The following RBM5 variants were observed in gnomAD, a reference collection of about 807,000 sequenced individuals.
The protein encoded by RBM5 is RNA-binding protein 5.
RBM5 carries 15 observed loss-of-function variants against 124.6 expected under a neutral mutation model. The ratio of observed to expected loss-of-function variants is 0.12; its 90% confidence interval spans 0.08 to 0.19. The LOEUF (loss-of-function observed/expected upper bound fraction) is 0.19. Among genes scored for constraint, RBM5 ranks in the 10% least tolerant of loss-of-function variants. RBM5 has a pLI of 1.00. For missense variants in RBM5, 580 were observed against 1,026.5 expected, an observed-to-expected ratio of 0.57 and a Z score of 5.94; for synonymous variants, 337 against 361.2, an observed-to-expected ratio of 0.93 and a Z score of 0.76.
intron 20 of RBM5, 141 bp downstream of exon 20, chr3:50,114,392 A>G (rs1333317935): frequency 1.3e-6 from 1 of 751,550 alleles, no homozygotes; most frequent in African/African-American, 1.8e-5. Flanking sequence ...CAGTTTCTGC[A>G]CATAGATTCC....
At chr3:50,108,490 C>G (rs1291505987) in intron 14 of RBM5, among the ~76,000 whole-genome samples, 186 bp downstream of exon 14, 1 of 152,042 alleles carries the variant, frequency 6.6e-6, no homozygotes, top group Admixed American at 6.6e-5. Context: ...AGGTGGATCA[C>G]GAGGTCAGGA....
intron 4 of RBM5, among the ~76,000 whole-genome samples, chr3:50,097,386 A>G (rs1022858203): frequency 8.7e-5 from 13 of 149,122 alleles, no homozygotes; most frequent in African/African-American, 3.3e-4. Context: ...ACAGAGCAAG[A>G]CTGTCTCAAA....
chr3:50,101,468 A>G (rs912158681), intron 6 of RBM5: 1 of 152,206 alleles, frequency 6.6e-6, no homozygotes, highest in African/African-American at 2.4e-5. Context: ...CATTTATAAC[A>G]AGACTCACTA....
At chr3:50,111,613 G>T (rs1211327880) in intron 17 of RBM5, among the ~76,000 whole-genome samples, 1 of 152,020 alleles carries the variant, frequency 6.6e-6, no homozygotes, top group Non-Finnish European at 1.5e-5. Context: ...GACCTTAAGT[G>T]ATCCACCCGC....
At chr3:50,102,098 CT>C (rs766574008) in intron 6 of RBM5, 9 of 152,064 alleles carry the variant, frequency 5.9e-5, no homozygotes, top group Non-Finnish European at 1.0e-4. Flanking sequence ...GGTTAGACTC[CT>C]TTTTAAAATC....
At chr3:50,091,306 A>G (rs2090696872) in intron 2 of RBM5, among the ~76,000 whole-genome samples, 1 of 152,206 alleles carries the variant, frequency 6.6e-6, no homozygotes, top group Non-Finnish European at 1.5e-5. Flanking sequence ...TGAAGCCCTT[A>G]TAAACCTTTC....
intron 14 of RBM5, among the ~76,000 whole-genome samples, chr3:50,109,075 T>A (rs2091094073): frequency 6.6e-6 from 1 of 152,078 alleles, no homozygotes; most frequent in African/African-American, 2.4e-5. Flanking sequence ...CTCTTCCTTT[T>A]CTCTTCTTTT....
In RBM5 at chr3:50,113,580, T is replaced by C; in HGVS notation, c.1617+36T>C. The C allele has an allele frequency of 3.8e-6, 6 of 1,580,540 alleles. No homozygotes were observed. In the South Asian group the frequency reaches 5.7e-5, roughly 15 times the overall value. On this transcript the variant is annotated intron_variant, in intron 18 of 24. Transcript: ENST00000347869. ...GACCCATATTTCTTTCATTGAGGTATTGGGCTGAACTCTTAGTTTTGGGGT... is the reference window on the plus strand; with the variant it reads ...GACCCATATTTCTTTCATTGAGGTACTGGGCTGAACTCTTAGTTTTGGGGT...
chr3:50,109,683 T>C lies in RBM5; in HGVS notation c.1273T>C (p.Ser425Pro). The stretch of plus-strand genomic sequence containing the variant: ...TAATCAAACCTCCAATCCACCTGGC[T>C]CTCCGGTAATCCTGTTGTCCTATAT... Reference protein sequence around the residue: ...LYNQTSNPPGSPTEEAQPSTS... With the variant: ...LYNQTSNPPGPPTEEAQPSTS... The change falls in exon 15 of 25, where the codon TCT becomes CCT. Residue 425 changes from serine (S) to proline (P), a missense_variant. Ser to Pro is a moderately conservative substitution (Grantham distance 74). Coordinates refer to ENST00000347869, the MANE Select transcript of RBM5 (RefSeq NM_005778.4). 1 of 1,612,276 alleles carries C rather than the reference T, an allele frequency of 6.2e-7. No homozygotes were observed. Among genetic ancestry groups the C allele is most frequent in the Non-Finnish European group, 8.5e-7 (1 of 1,178,288 alleles).
intron 4 of RBM5, among the ~76,000 whole-genome samples, chr3:50,098,973 G>A (rs1051036009): frequency 6.6e-6 from 1 of 152,124 alleles, no homozygotes; most frequent in African/African-American, 2.4e-5. Context: ...AATTAATTGC[G>A]GCCAGGCATT....
At chr3:50,104,360 G>T (rs997699548) in intron 8 of RBM5, 52 bp downstream of exon 8, 3 of 1,557,220 alleles carry the variant, frequency 1.9e-6, no homozygotes, top group Admixed American at 1.7e-5. Flanking sequence ...ACTAACTGGG[G>T]CAGGGAGCAG....
At chr3:50,107,983 G>A in intron 12 of RBM5, 87 bp from the exon 13 acceptor site, 1 of 1,154,262 alleles carries the variant, frequency 8.7e-7, no homozygotes, top group Admixed American at 1.7e-5. Flanking sequence ...ACAGCGCCCA[G>A]CATCATGAGC....
rs1262113355 is a variant in RBM5 at position 50,108,228 on chromosome 3, T to G, written c.1120-4T>G. On this transcript the variant is annotated splice_polypyrimidine_tract_variant and splice_region_variant and intron_variant, in intron 13 of 24. Transcript: ENST00000347869. ...AGCAGCTTTAATGGTGGACTTTTCTTCAGTATTCACAGGATTATCAGCAGT... is the reference window on the plus strand; with the variant it reads ...AGCAGCTTTAATGGTGGACTTTTCTGCAGTATTCACAGGATTATCAGCAGT... 2 of 1,612,322 alleles carry G rather than the reference T, an allele frequency of 1.2e-6. No individual in the cohort carries two copies. Among genetic ancestry groups the G allele is most frequent in the Admixed American group, 1.7e-5 (1 of 60,018 alleles).
Position 50,115,184 on chromosome 3 carries a change from G to C in RBM5, c.1840-244G>C. 6.7e-6 allele frequency: 3 copies of C among 447,356 alleles called. 1 individual carries two copies. Among genetic ancestry groups the C allele is most frequent in the Non-Finnish European group, 3.9e-6 (1 of 255,052 alleles). 27.7% of individuals were successfully genotyped at this position (447,356 alleles called of 1,614,324 possible). On this transcript the variant is annotated intron_variant, in intron 20 of 24. Transcript: ENST00000347869. ...CTCCTTCTCCAAAGAAATAGAAAAAGGTAGTCACCCAGGAATCCATTTCTT... is the reference window on the plus strand; with the variant it reads ...CTCCTTCTCCAAAGAAATAGAAAAACGTAGTCACCCAGGAATCCATTTCTT...
intron 4 of RBM5, among the ~76,000 whole-genome samples, chr3:50,096,275 G>A (rs1429822949): frequency 1.3e-5 from 2 of 150,542 alleles, no homozygotes; most frequent in Admixed American, 1.3e-4. Flanking sequence ...GAGTGCTTGA[G>A]CCCAGGAGTT....
intron 3 of RBM5, chr3:50,093,138 C>T (rs945947997): frequency 1.2e-5 from 1 of 86,410 alleles, no homozygotes; most frequent in Non-Finnish European, 2.4e-5. Flanking sequence ...GACTCTGTCT[C>T]AAAAAAAAAA....
At chr3:50,104,396 G>T in intron 8 of RBM5, 88 bp downstream of exon 8, 1 of 1,292,332 alleles carries the variant, frequency 7.7e-7, no homozygotes, top group Non-Finnish European at 1.1e-6. Context: ...CCACCACTTT[G>T]CAAGGCCAAG....
rs774954720 is a variant in RBM5, at chr3:50,109,705, A to G, written c.1278+17A>G. 15 of 1,603,034 alleles carry G rather than the reference A, an allele frequency of 9.4e-6. No homozygotes were observed. The highest frequency in any genetic ancestry group is 1.0e-5 in the Non-Finnish European group (12 of 1,170,020). Reference sequence around the variant, plus strand: ...GGCTCTCCGGTAATCCTGTTGTCCTATATACAAAACTCGTGGCTGATGGGG... The same window carrying G: ...GGCTCTCCGGTAATCCTGTTGTCCTGTATACAAAACTCGTGGCTGATGGGG... On this transcript the variant is annotated intron_variant, in intron 15 of 24. Transcript: ENST00000347869.
intron 4 of RBM5, chr3:50,094,380 C>G (rs916574371): frequency 6.6e-6 from 1 of 152,230 alleles, no homozygotes; most frequent in Admixed American, 6.6e-5. Context: ...TCTCCTGCCA[C>G]CCGCCTCGGC....
Sources: allele counts gnomAD v4.1 joint callset (sites outside exome capture counted in the v4.1 genomes callset), GRCh38; gene constraint gnomAD v4.1.1; transcripts MANE v1.5; gene names NCBI Gene and HGNC (gene_info 2026-07-23, HGNC 2026-07-21).